Variants in UGT3A1 observed in about 807,000 individuals in gnomAD.
The protein encoded by UGT3A1 is UDP-glycosyltransferase 3A1.
Under a neutral mutation model 37.6 loss-of-function variants are expected in UGT3A1, and 40 were observed. The ratio of observed to expected loss-of-function variants is 1.06; its 90% CI spans 0.83 to 1.38. The LOEUF is 1.38. UGT3A1 is among the 40% of genes most tolerant of loss of function. The pLI is 0.00. For missense variants in UGT3A1, 642 were observed against 634.2 expected, an observed-to-expected ratio of 1.01 and a Z score of -0.13; for synonymous variants, 256 against 232.3, an observed-to-expected ratio of 1.10 and a Z score of -0.93.
intron 2 of UGT3A1, among the ~76,000 whole-genome samples, chr5:35,979,104 A>G (rs1037832327): frequency 4.6e-5 from 7 of 152,092 alleles, no homozygotes; most frequent in Non-Finnish European, 1.0e-4. Flanking sequence ...TTTGCAAGGT[A>G]TAGACTCCAT....
chr5:35,976,693 G>T (rs557271632), intron 2 of UGT3A1, among the ~76,000 whole-genome samples: 5 of 152,080 alleles, frequency 3.3e-5, no homozygotes, highest in African/African-American at 1.2e-4. Flanking sequence ...TAAATTAGCT[G>T]GGATTGGTGG....
chr5:35,988,563 G>A lies in UGT3A1; in HGVS notation c.95-12C>T, dbSNP rs1740814620. On this transcript the variant is annotated splice_polypyrimidine_tract_variant and intron_variant, in intron 1 of 6. Transcript: ENST00000274278. The stretch of plus-strand genomic sequence containing the variant: ...GTAATGGCTTCCACCTAGAAACAAT[G>A]CACAATGTCTTTTGTAAAGATGAAA... 1 of 1,583,250 alleles carries A rather than the reference G, an allele frequency of 6.3e-7. No individual in the cohort carries two copies. The highest frequency in any genetic ancestry group is 8.6e-7 in the Non-Finnish European group (1 of 1,159,548).
intron 2 of UGT3A1, among the ~76,000 whole-genome samples, chr5:35,970,829 C>A (rs1740006415): frequency 6.6e-6 from 1 of 152,126 alleles, no homozygotes; most frequent in Admixed American, 6.5e-5. Context: ...CCTTTAAAAT[C>A]CCAATTTGGA....
chr5:35,988,848 C>T (rs745300), intron 1 of UGT3A1, among the ~76,000 whole-genome samples: 51,570 of 152,010 alleles, frequency 0.34, 8,997 homozygotes, highest in Non-Finnish European at 0.38. Context: ...TCTGTGATTA[C>T]GCCTGTAAAA....
Position 35,951,755 on chromosome 5 carries a change from AG to A in UGT3A1, c.*2446del, listed in dbSNP as rs549488214. On this transcript the variant is annotated 3_prime_UTR_variant, in exon 7 of 7. Coordinates refer to ENST00000274278, the MANE Select transcript of UGT3A1 (RefSeq NM_152404.4). Reference sequence around the variant, plus strand: ...CAGGATTTTTTCTTCCTATTTAGAAAGTCTCTCCCTATACACAGGCTATGGA... The same window carrying A: ...CAGGATTTTTTCTTCCTATTTAGAAATCTCTCCCTATACACAGGCTATGGA... 17 of 152,314 alleles carry A rather than the reference AG, an allele frequency of 1.1e-4. No individual in the cohort carries two copies. In the South Asian group the frequency reaches 3.1e-3, roughly 28 times the overall value. The allele number at this position is 152,314 out of a possible 1,614,324, so 9.4% of individuals were successfully genotyped here.
chr5:35,991,082 T>C (rs1448911336), intron 1 of UGT3A1, 65 bp downstream of exon 1: 2 of 1,613,854 alleles, frequency 1.2e-6, no homozygotes, highest in East Asian at 4.5e-5. Context: ...CGCCGTTCGC[T>C]GGAGCCCTGG....
At chr5:35,969,711 C>G (rs969167308) in intron 2 of UGT3A1, among the ~76,000 whole-genome samples, 1 of 152,112 alleles carries the variant, frequency 6.6e-6, no homozygotes, top group Non-Finnish European at 1.5e-5. Flanking sequence ...AACATCAGAT[C>G]AAATACACCC....
At chr5:35,991,566 G>C, upstream of UGT3A1, 1 of 1,084,828 alleles carries the variant, frequency 9.2e-7, no homozygotes, top group Non-Finnish European at 1.1e-6. Flanking sequence ...CTAAGAGCCA[G>C]GAATGACAGG....
intron 2 of UGT3A1, among the ~76,000 whole-genome samples, chr5:35,976,689 A>G (rs1275734734): frequency 6.6e-6 from 1 of 152,116 alleles, no homozygotes; most frequent in Non-Finnish European, 1.5e-5. Flanking sequence ...AAAATAAATT[A>G]GCTGGGATTG....
intron 2 of UGT3A1, among the ~76,000 whole-genome samples, chr5:35,996,453 T>C (rs552627389): frequency 3.3e-5 from 5 of 152,322 alleles, no homozygotes; most frequent in African/African-American, 1.2e-4. Context: ...TGGGTGTGTC[T>C]AATAAAACAA....
At chr5:35,965,238 G>A (rs1739750241) in intron 4 of UGT3A1, 148 bp downstream of exon 4, 3 of 1,252,646 alleles carry the variant, frequency 2.4e-6, no homozygotes, top group Non-Finnish European at 3.3e-6. Flanking sequence ...AACCCTGAAA[G>A]TCAGCACTTC....
intron 2 of UGT3A1, among the ~76,000 whole-genome samples, chr5:35,978,309 A>G (rs1448563212): frequency 1.3e-5 from 2 of 152,180 alleles, no homozygotes; most frequent in South Asian, 2.1e-4. Context: ...TGCGGGGATT[A>G]CAAGCATGAA....
chr5:35,955,790 G>T lies in UGT3A1; in HGVS notation c.1150C>A (p.Pro384Thr). 6.2e-7 allele frequency: 1 copy of T among 1,614,196 alleles called. No homozygotes were observed. The highest frequency in any genetic ancestry group is 8.5e-7 in the Non-Finnish European group (1 of 1,180,020). ...CCATTGACTGGTAATCCCACCATGG[G>T]CACACCATGACGGATGGCCTCCATT... is the stretch of plus-strand genomic sequence containing the variant. ...SVMEAIRHGV[P>T]MVGLPVNGDQ... The change falls in exon 6 of 7, where the codon CCC becomes ACC. Residue 384 changes from proline (P) to threonine (T), a missense_variant. Physicochemically the swap from Pro to Thr is conservative, Grantham distance 38. Transcript: ENST00000274278.
Position 35,954,188 on chromosome 5 carries a change from G to A in UGT3A1, c.*14C>T. The A allele has an allele frequency of 9.3e-6, 15 of 1,612,456 alleles. No homozygotes were observed. Among genetic ancestry groups the A allele is most frequent in the Non-Finnish European group, 1.3e-5 (15 of 1,179,102 alleles). ...CCAGGGATGCCCTCCCCTCACCCAA[G>A]GCTACACCTAGCCTCATGTCTTCTT... On this transcript the variant is annotated 3_prime_UTR_variant, in exon 7 of 7. Coordinates refer to ENST00000274278, the MANE Select transcript of UGT3A1 (RefSeq NM_152404.4).
chr5:35,976,833 C>CAA (rs35523827), intron 2 of UGT3A1, among the ~76,000 whole-genome samples: 144,401 of 147,130 alleles, frequency 0.98, 70,882 homozygotes, highest in African/African-American at 0.99. Flanking sequence ...GTGCTTGCCT[C>CAA]AAAAATAATA....
At chr5:35,960,462 C>A (rs1739534166) in intron 4 of UGT3A1, among the ~76,000 whole-genome samples, 1 of 152,124 alleles carries the variant, frequency 6.6e-6, no homozygotes, top group Admixed American at 6.5e-5. Flanking sequence ...AAGGGTGTGG[C>A]TTGTCAGTTT....
upstream of UGT3A1, among the ~76,000 whole-genome samples, chr5:35,995,693 A>C (rs1380609714): frequency 6.6e-6 from 1 of 152,188 alleles, no homozygotes; most frequent in African/African-American, 2.4e-5. Flanking sequence ...GACAGGCATA[A>C]AGAGTCACGG....
chr5:35,986,702 T>A (rs986820733), intron 2 of UGT3A1, among the ~76,000 whole-genome samples: 1 of 152,098 alleles, frequency 6.6e-6, no homozygotes, highest in Non-Finnish European at 1.5e-5. Context: ...TGGATAGAGG[T>A]TGATTAATGA....
At position 35,965,669 on chromosome 5, in the gene UGT3A1, A is replaced by C; in HGVS notation, c.560T>G (p.Phe187Cys). ...LPSPLSYVPVFPSLLTDHMDF... is the reference protein window; with the variant it reads ...LPSPLSYVPVCPSLLTDHMDF... ...CATGTGATCAGTCAGCAAGGAAGGG[A>C]ATACTGGAACATAAGACAAGGGGCT... Residue 187 changes from phenylalanine to cysteine, a missense_variant, in exon 4 of 7, where the codon TTC becomes TGC. Physicochemically the swap from Phe to Cys is radical, Grantham distance 205 (BLOSUM62 -2). Transcript: ENST00000274278. The C allele has an allele frequency of 1.2e-6, 2 of 1,614,208 alleles. No homozygotes were observed. Among genetic ancestry groups the C allele is most frequent in the African/African-American group, 2.7e-5 (2 of 75,056 alleles).
Sources: allele counts gnomAD v4.1 joint callset (sites outside exome capture counted in the v4.1 genomes callset), GRCh38; gene constraint gnomAD v4.1.1; transcripts MANE v1.5; gene names NCBI Gene and HGNC (gene_info 2026-07-23, HGNC 2026-07-21).